Variants in YBEY observed in about 807,000 individuals in gnomAD.
YBEY encodes endoribonuclease YbeY.
YBEY carries 15 observed loss-of-function variants against 13.5 expected under a neutral mutation model. The ratio of observed to expected loss-of-function variants is 1.11; its 90% CI spans 0.75 to 1.72. YBEY has a LOEUF of 1.72. Among genes scored for constraint, YBEY ranks in the 40% most tolerant of loss-of-function variants. The pLI is 0.00. For missense variants in YBEY, 244 were observed against 208.4 expected (o/e 1.17, Z -1.05); for synonymous variants, 101 against 83.1 (o/e 1.21, Z -1.17).
At chr21:46,309,386 C>T in the YBEY span, among the ~76,000 whole-genome samples, 2 of 150,074 alleles carry the variant, frequency 1.3e-5, no homozygotes, top group African/African-American at 4.9e-5. Context: ...CGCTTGAACC[C>T]GGTGGGCAGA....
At chr21:46,297,989 GC>G (rs2082006505), downstream of YBEY, among the ~76,000 whole-genome samples, 1 of 91,656 alleles carries the variant, frequency 1.1e-5, no homozygotes, top group African/African-American at 3.0e-5. Context: ...AGTATTTCCT[GC>G]TTTTACCTCC....
the YBEY span, among the ~76,000 whole-genome samples, chr21:46,305,029 G>A: frequency 6.6e-6 from 1 of 152,192 alleles, no homozygotes; most frequent in Non-Finnish European, 1.5e-5. Flanking sequence ...AACACAGGAC[G>A]GTGGTTGCCA....
the YBEY span, among the ~76,000 whole-genome samples, chr21:46,303,484 A>G: frequency 6.6e-6 from 1 of 151,642 alleles, no homozygotes; most frequent in East Asian, 1.9e-4. Context: ...CTAGAAACCA[A>G]TAAGGGAGGC....
At chr21:46,298,616 A>G (rs899738209), downstream of YBEY, among the ~76,000 whole-genome samples, 1 of 151,328 alleles carries the variant, frequency 6.6e-6, no homozygotes, top group African/African-American at 2.4e-5. Flanking sequence ...TTTTTAGTAG[A>G]GACGGGGTTT....
At chr21:46,302,019 A>G, downstream of YBEY, 1 of 1,533,332 alleles carries the variant, frequency 6.5e-7, no homozygotes, top group Non-Finnish European at 8.8e-7. Context: ...CCAGGCGTCC[A>G]CAGGCTGGGG....
intron 3 of YBEY, 183 bp downstream of exon 3, chr21:46,291,645 A>T: frequency 1.4e-6 from 2 of 1,393,904 alleles, no homozygotes; most frequent in Non-Finnish European, 1.9e-6. Context: ...CCCATGCCAC[A>T]GTTGAAGGAG....
chr21:46,302,031 C>T (rs115368315), downstream of YBEY: 1,599 of 1,535,372 alleles, frequency 1.0e-3, 13 homozygotes, highest in African/African-American at 0.016. Flanking sequence ...AGGCTGGGGG[C>T]GGGCTGGAGG....
chr21:46,294,835 G>C (rs955223835), intron 3 of YBEY, among the ~76,000 whole-genome samples: 1 of 152,208 alleles, frequency 6.6e-6, no homozygotes, highest in Admixed American at 6.5e-5. Flanking sequence ...GCCTCCTTTG[G>C]CTGCACAGCC....
At chr21:46,298,434 C>CT (rs557264546), downstream of YBEY, among the ~76,000 whole-genome samples, 750 of 97,162 alleles carry the variant, frequency 7.7e-3, 152 homozygotes, top group Non-Finnish European at 9.9e-3. Flanking sequence ...TTAATCCAAG[C>CT]TTTTTTTTTT....
the YBEY span, among the ~76,000 whole-genome samples, chr21:46,305,577 A>G: frequency 2.0e-4 from 30 of 152,134 alleles, no homozygotes; most frequent in African/African-American, 7.0e-4. Context: ...TGATCCTCCC[A>G]TATCAGTCTC....
chr21:46,291,949 G>GT (rs1467769101), intron 3 of YBEY: 1 of 622,510 alleles, frequency 1.6e-6, no homozygotes, highest in Non-Finnish European at 2.0e-6. Context: ...AAAGGCTGGA[G>GT]TTATTATTCA....
intron 2 of YBEY, among the ~76,000 whole-genome samples, chr21:46,290,688 C>A (rs1031667042): frequency 6.6e-6 from 1 of 151,152 alleles, no homozygotes; most frequent in Non-Finnish European, 1.5e-5. Context: ...GCAGGCAGAT[C>A]ACCTGAGGTC....
the YBEY span, among the ~76,000 whole-genome samples, chr21:46,303,151 C>T: frequency 2.6e-5 from 4 of 151,054 alleles, no homozygotes; most frequent in South Asian, 6.3e-4. Context: ...GCAACCAGGG[C>T]GAAACTCCGT....
the YBEY span, among the ~76,000 whole-genome samples, chr21:46,306,187 T>C: frequency 6.6e-6 from 1 of 151,942 alleles, no homozygotes; most frequent in Non-Finnish European, 1.5e-5. Context: ...CAATCTAGAT[T>C]TGAATATGCA....
At chr21:46,292,390 T>C (rs1226159407) in intron 3 of YBEY, among the ~76,000 whole-genome samples, 1 of 152,210 alleles carries the variant, frequency 6.6e-6, no homozygotes, top group African/African-American at 2.4e-5. Context: ...ATCATCCTAA[T>C]CTTGTGGCCC....
At chr21:46,289,796 T>C (rs971714395) in intron 2 of YBEY, among the ~76,000 whole-genome samples, 1 of 152,222 alleles carries the variant, frequency 6.6e-6, no homozygotes, top group Non-Finnish European at 1.5e-5. Flanking sequence ...TGTTTTGAGA[T>C]AATGATCCTT....
the YBEY span, among the ~76,000 whole-genome samples, chr21:46,305,163 T>G: frequency 6.6e-6 from 1 of 152,162 alleles, no homozygotes; most frequent in Non-Finnish European, 1.5e-5. Context: ...TGCCAGGCAC[T>G]GACGGGAGGG....
chr21:46,288,051 AC>A (rs1569093276), intron 2 of YBEY, among the ~76,000 whole-genome samples: 1 of 151,742 alleles, frequency 6.6e-6, no homozygotes, highest in Non-Finnish European at 1.5e-5. Flanking sequence ...ACTAGCGTCC[AC>A]CCCCCTTCCC....
At chr21:46,301,979 AG>A, downstream of YBEY, 1 of 1,503,814 alleles carries the variant, frequency 6.6e-7, no homozygotes, top group Non-Finnish European at 8.9e-7. Context: ...TGCCCCGGCC[AG>A]GGTCTCTGTG....
Sources: gnomAD v4.1 joint callset for allele counts (sites outside exome capture counted in the v4.1 genomes callset) on GRCh38, gnomAD v4.1.1 for gene constraint, MANE v1.5 for transcripts, NCBI Gene and HGNC (gene_info 2026-07-23, HGNC 2026-07-21) for gene names.